Variants in SAFB observed in about 807,000 individuals in gnomAD.
SAFB encodes the protein scaffold attachment factor B1.
A neutral mutation model predicts 101.6 loss-of-function variants in SAFB; 15 were observed. The ratio of observed to expected loss-of-function variants is 0.15; its 90% confidence interval spans 0.10 to 0.23. The LOEUF is 0.23. Ranked by LOEUF, SAFB falls within the 10% of genes least tolerant of loss-of-function variation. SAFB has a pLI of 1.00. For missense variants in SAFB, 930 were observed against 1,104.1 expected, an observed-to-expected ratio of 0.84 and a Z score of 2.23; for synonymous variants, 449 against 407.5, an observed-to-expected ratio of 1.10 and a Z score of -1.23.
rs1013120556 is a variant in SAFB at position 5,667,109 on chromosome 19, G to A, written c.2398G>A (p.Gly800Ser). The change falls in exon 18 of 21, where the codon GGC becomes AGC. Residue 800 changes from glycine to serine, a missense_variant. Physicochemically the swap from Gly to Ser is moderately conservative, Grantham distance 56 (BLOSUM62 0). Around this residue, in one of 7 missense-constraint regions of SAFB, gnomAD observed 318 missense variants for 342.6 expected, o/e 0.93. Coordinates refer to ENST00000588852, the MANE Select transcript of SAFB (RefSeq NM_001201338.2). The surrounding 1 kb of genome is among the most constrained non-coding windows in gnomAD (Gnocchi z 4.0). ...CCGGGACTCCCGCGATGGCTGGGGGGGCTATGGCTCTGACAAGAGGATGAG... is the reference window on the plus strand; with the variant it reads ...CCGGGACTCCCGCGATGGCTGGGGGAGCTATGGCTCTGACAAGAGGATGAG... The part of the protein sequence containing the change: ...HGRDSRDGWG[G>S]YGSDKRMSEG... The A allele has an allele frequency of 9.9e-6, 16 of 1,612,834 alleles. No homozygotes were observed. Among genetic ancestry groups the A allele is most frequent in the Non-Finnish European group, 1.3e-5 (15 of 1,179,570 alleles).
chr19:5,648,141 C>A (rs1271852530), intron 6 of SAFB, 98 bp downstream of exon 6: 10 of 1,006,416 alleles, frequency 9.9e-6, no homozygotes, highest in Non-Finnish European at 1.5e-5. Context: ...AGTTACCTTA[C>A]TATAGTATAC....
In SAFB at chr19:5,661,559, C is replaced by T. The variant is rs776290593; in HGVS notation, c.1904C>T (p.Ala635Val). Residue 635 changes from alanine to valine, a missense_variant, in exon 15 of 21, where the codon GCG becomes GTG. Around this residue, in one of 7 missense-constraint regions of SAFB, gnomAD observed 159 missense variants for 234.1 expected, o/e 0.68. Transcript: ENST00000588852. ...ERSEREQRMQ[A>V]QWEREERERL... is the part of the protein sequence containing the mutation. ...AGTGAACGCGAACAACGCATGCAGG[C>T]GCAGTGGGAGCGCGAGGAGCGTGAG... The T allele has an allele frequency of 5.0e-6, 8 of 1,613,084 alleles. No individual in the cohort carries two copies. Among genetic ancestry groups the T allele is most frequent in the South Asian group, 1.1e-5 (1 of 91,042 alleles).
intron 4 of SAFB, among the ~76,000 whole-genome samples, chr19:5,643,965 G>C (rs1002801991): frequency 6.6e-6 from 1 of 152,120 alleles, no homozygotes; most frequent in African/African-American, 2.4e-5. Flanking sequence ...AGAGGTTTTC[G>C]GAAGATTCAA....
At chr19:5,655,476 A>C (rs1310591829) in intron 13 of SAFB, among the ~76,000 whole-genome samples, 1 of 151,592 alleles carries the variant, frequency 6.6e-6, no homozygotes, top group Non-Finnish European at 1.5e-5. Flanking sequence ...AAAAAAAAAA[A>C]AAAACACACA....
In SAFB at chr19:5,652,968, C is replaced by T. The variant is rs550499763; in HGVS notation, c.1294-147C>T. 3.1e-5 allele frequency: 24 copies of T among 776,746 alleles called. No individual in the cohort carries two copies. In the East Asian group the frequency reaches 4.0e-4, roughly 13 times the overall value. The allele number at this position is 776,746 out of a possible 1,614,324, so 48.1% of individuals were successfully genotyped here. ...CCAGAGGTCCTTGGAGGAACAACAG[C>T]GAAACAGAAGCATTAGTAGCATTGT... On this transcript the variant is annotated intron_variant, in intron 9 of 20. Transcript: ENST00000588852.
chr19:5,660,937 CTTTTTTT>C (rs35511041), intron 14 of SAFB, among the ~76,000 whole-genome samples: 4 of 38,022 alleles, frequency 1.1e-4, no homozygotes, highest in African/African-American at 3.4e-4. Context: ...TACTCTGTGG[CTTTTTTT>C]TTTTTTTTTT....
At chr19:5,654,988 G>A (rs2054021997) in intron 13 of SAFB, among the ~76,000 whole-genome samples, 1 of 152,176 alleles carries the variant, frequency 6.6e-6, no homozygotes, top group Non-Finnish European at 1.5e-5. Context: ...GCTTTTCCCT[G>A]AGTCGGTGTG....
intron 4 of SAFB, among the ~76,000 whole-genome samples, chr19:5,642,779 A>G (rs2053751281): frequency 6.8e-6 from 1 of 146,716 alleles, no homozygotes; most frequent in Non-Finnish European, 1.5e-5. Context: ...CTCCTCCCTC[A>G]GCCTCCCAAG....
In SAFB at chr19:5,657,284, G is replaced by A. The variant is rs774372914; in HGVS notation, c.1799G>A (p.Arg600Gln). ...QDRKSASREKRSVVSFDKVKE... is the reference protein window; with the variant it reads ...QDRKSASREKQSVVSFDKVKE... ...CGCAAATCAGCCAGCAGAGAGAAGC[G>A]GTCCGTCGTGTCCTTTGATAAGGTC... The change falls in exon 14 of 21, where the codon CGG becomes CAG. Residue 600 changes from arginine (R) to glutamine (Q), a missense_variant. Physicochemically the swap from Arg to Gln is conservative, Grantham distance 43 (BLOSUM62 1). Around this residue, in one of 7 missense-constraint regions of SAFB, gnomAD observed 159 missense variants for 234.1 expected, o/e 0.68. Transcript: ENST00000588852. 9.3e-6 allele frequency: 15 copies of A among 1,614,030 alleles called. No homozygotes were observed. The highest frequency in any genetic ancestry group is 2.7e-5 in the African/African-American group (2 of 75,020).
chr19:5,649,990 C>A lies in SAFB; in HGVS notation c.1198+15C>A. ...AGAGGAAAAGGGTAGGTCACCTCGG[C>A]GACACCAGTCCCTTGGAGCATGTAT... On this transcript the variant is annotated intron_variant, in intron 8 of 20. Transcript: ENST00000588852. 1 of 1,606,790 alleles carries A rather than the reference C, an allele frequency of 6.2e-7. No individual in the cohort carries two copies. The highest frequency in any genetic ancestry group is 8.5e-7 in the Non-Finnish European group (1 of 1,173,354).
chr19:5,634,674 T>G (rs964148496), intron 2 of SAFB, among the ~76,000 whole-genome samples: 2 of 152,026 alleles, frequency 1.3e-5, no homozygotes, highest in African/African-American at 4.8e-5. Flanking sequence ...GACAAATCAG[T>G]AAGGAAAACA....
intron 9 of SAFB, among the ~76,000 whole-genome samples, chr19:5,652,141 C>T (rs561448644): frequency 1.3e-5 from 2 of 151,944 alleles, no homozygotes; most frequent in South Asian, 4.2e-4. Flanking sequence ...TGCAGTGACC[C>T]GAGACCGTGC....
At chr19:5,658,044 G>A (rs1397299596) in intron 14 of SAFB, among the ~76,000 whole-genome samples, 1 of 151,944 alleles carries the variant, frequency 6.6e-6, no homozygotes, top group Non-Finnish European at 1.5e-5. Flanking sequence ...GTCGCCCAGG[G>A]TGGAGTGCAG....
chr19:5,626,722 C>T (rs1288841005), intron 2 of SAFB, among the ~76,000 whole-genome samples: 1 of 152,052 alleles, frequency 6.6e-6, no homozygotes, highest in Admixed American at 6.5e-5. Flanking sequence ...ATTCATTTTC[C>T]TCTGTAGATT....
chr19:5,648,300 A>G (rs1231545924), intron 6 of SAFB: 10 of 505,854 alleles, frequency 2.0e-5, no homozygotes, highest in Admixed American at 1.5e-4. Context: ...TTGAATATCA[A>G]CAGCATTGAA....
intron 5 of SAFB, 137 bp from the exon 6 acceptor site, chr19:5,647,879 G>T: frequency 1.3e-6 from 1 of 779,936 alleles, no homozygotes; most frequent in Non-Finnish European, 2.2e-6. Context: ...AGAACAAGCA[G>T]GTTCTCCACC....
At chr19:5,649,818 C>G in intron 7 of SAFB, 108 bp from the exon 8 acceptor site, 1 of 1,009,642 alleles carries the variant, frequency 9.9e-7, no homozygotes, top group African/African-American at 1.6e-5. Context: ...ATCATTTTTT[C>G]AGAACTAAAT....
intron 2 of SAFB, among the ~76,000 whole-genome samples, chr19:5,637,343 CAAA>C (rs553264134): frequency 3.0e-5 from 2 of 67,244 alleles, no homozygotes; most frequent in African/African-American, 5.4e-5. Flanking sequence ...GACTCCATCT[CAAA>C]AAAAAAAAAA....
At chr19:5,653,032 G>T in intron 9 of SAFB, 83 bp from the exon 10 acceptor site, 2 of 1,425,056 alleles carry the variant, frequency 1.4e-6, no homozygotes, top group South Asian at 2.5e-5. Flanking sequence ...CTGATGAGCA[G>T]ACTTCCCTGT....
Sources: allele counts gnomAD v4.1 joint callset (sites outside exome capture counted in the v4.1 genomes callset), GRCh38; gene constraint gnomAD v4.1.1; regional missense constraint gnomAD v4.1.1; non-coding constraint Gnocchi (gnomAD v3.1); transcripts MANE v1.5; gene names NCBI Gene and HGNC (gene_info 2026-07-23, HGNC 2026-07-21).